OR1F1: variants seen among roughly 807,000 people sequenced by gnomAD.
OR1F1 encodes olfactory receptor 1F1.
For missense variants in OR1F1, 493 were observed against 376.3 expected, an observed-to-expected ratio of 1.31 and a Z score of -2.57; for synonymous variants, 184 against 156.7, an observed-to-expected ratio of 1.17 and a Z score of -1.30.
At chr16:3,198,227 A>G in the OR1F1 span, among the ~76,000 whole-genome samples, 2 of 152,080 alleles carry the variant, frequency 1.3e-5, no homozygotes, top group African/African-American at 4.8e-5. Flanking sequence ...CAGGTCCCCA[A>G]GTATGCAGGG....
the OR1F1 span, among the ~76,000 whole-genome samples, chr16:3,198,391 T>C: frequency 6.6e-6 from 1 of 152,110 alleles, no homozygotes; most frequent in African/African-American, 2.4e-5. Flanking sequence ...TAGGCTGACA[T>C]GTTTCCCCTG....
chr16:3,196,520 A>C, the OR1F1 span, among the ~76,000 whole-genome samples: 2 of 151,668 alleles, frequency 1.3e-5, no homozygotes, highest in African/African-American at 4.9e-5. Flanking sequence ...AGTAGCTGGC[A>C]CCACAGGCAC....
At chr16:3,205,137 G>C (rs775250907) in exon 1 of OR1F1, 2 of 1,613,148 alleles carry the variant, frequency 1.2e-6, no homozygotes, top group South Asian at 2.2e-5. Context: ...ACAGGTACTT[G>C]AAAGGGGCTC....
At chr16:3,204,490 C>T (rs767992959) in exon 1 of OR1F1, 48 of 1,614,084 alleles carry the variant, frequency 3.0e-5, no homozygotes, top group Non-Finnish European at 4.0e-5. Context: ...CCCCAAGATG[C>T]TGGCCAATCA....
chr16:3,204,371 A>T (rs773673344), exon 1 of OR1F1: 2 of 1,613,716 alleles, frequency 1.2e-6, no homozygotes, highest in African/African-American at 2.7e-5. Flanking sequence ...GTCCTGGGGA[A>T]CCTGCTCATC....
upstream of OR1F1, among the ~76,000 whole-genome samples, chr16:3,201,616 T>C (rs1253334333): frequency 1.3e-5 from 2 of 152,190 alleles, no homozygotes; most frequent in African/African-American, 4.8e-5. Flanking sequence ...TGATCCAGAA[T>C]GATGAGAGTA....
upstream of OR1F1, among the ~76,000 whole-genome samples, chr16:3,200,658 G>C (rs958777546): frequency 1.3e-5 from 2 of 152,178 alleles, no homozygotes; most frequent in African/African-American, 4.8e-5. Flanking sequence ...AGGTCAATTT[G>C]AAGGCAGGTA....
the OR1F1 span, among the ~76,000 whole-genome samples, chr16:3,193,127 A>G: frequency 1.3e-5 from 2 of 152,066 alleles, no homozygotes; most frequent in Non-Finnish European, 2.9e-5. Context: ...GGGTTTCGCC[A>G]TGTTGGCCAG....
the OR1F1 span, chr16:3,189,628 T>A: frequency 6.6e-6 from 1 of 152,082 alleles, no homozygotes. Context: ...AATGCGTAAA[T>A]CGTGTGGCTC....
the OR1F1 span, among the ~76,000 whole-genome samples, chr16:3,190,902 A>G: frequency 1.3e-5 from 2 of 152,218 alleles, no homozygotes; most frequent in African/African-American, 4.8e-5. Flanking sequence ...TAAAGAAAAT[A>G]TCTTTGACAA....
chr16:3,204,385 C>T (rs763843633), exon 1 of OR1F1: 4 of 1,613,946 alleles, frequency 2.5e-6, no homozygotes, highest in African/African-American at 1.3e-5. Flanking sequence ...GCTCATCATC[C>T]TGTCCGTAAG....
At chr16:3,195,686 A>G in the OR1F1 span, among the ~76,000 whole-genome samples, 1 of 151,804 alleles carries the variant, frequency 6.6e-6, no homozygotes, top group Non-Finnish European at 1.5e-5. Context: ...CAAAAAAAAA[A>G]AAAAAAAAGA....
chr16:3,201,040 C>T (rs1958129872), upstream of OR1F1, among the ~76,000 whole-genome samples: 1 of 152,118 alleles, frequency 6.6e-6, no homozygotes, highest in Admixed American at 6.5e-5. Context: ...GATTTGCCTA[C>T]TCTAGACATT....
the OR1F1 span, among the ~76,000 whole-genome samples, chr16:3,193,392 C>G: frequency 6.6e-6 from 1 of 152,200 alleles, no homozygotes; most frequent in African/African-American, 2.4e-5. Context: ...TTCCTTCGGG[C>G]GCCTGGGACT....
At chr16:3,203,722 C>A (rs1307486721), upstream of OR1F1, among the ~76,000 whole-genome samples, 1 of 152,184 alleles carries the variant, frequency 6.6e-6, no homozygotes, top group East Asian at 1.9e-4. Flanking sequence ...CAAGATCTCG[C>A]CACTGCACTC....
At chr16:3,190,462 A>G in the OR1F1 span, among the ~76,000 whole-genome samples, 111 of 152,310 alleles carry the variant, frequency 7.3e-4, 1 homozygote, top group African/African-American at 2.6e-3. Context: ...TGGACCCAGC[A>G]CAAGGAGGCA....
the OR1F1 span, among the ~76,000 whole-genome samples, chr16:3,191,993 C>G: frequency 1.3e-5 from 2 of 152,134 alleles, no homozygotes; most frequent in Non-Finnish European, 2.9e-5. Context: ...TGCTGTGGCT[C>G]GTTGGTCTAG....
the OR1F1 span, chr16:3,189,645 C>T: frequency 2.6e-5 from 4 of 151,952 alleles, no homozygotes; most frequent in South Asian, 2.1e-4. Flanking sequence ...GCTCGTTGGT[C>T]TAGGGGTATG....
upstream of OR1F1, among the ~76,000 whole-genome samples, chr16:3,201,555 C>T (rs146823302): frequency 1.3e-5 from 2 of 152,288 alleles, no homozygotes; most frequent in African/African-American, 4.8e-5. Flanking sequence ...TCCATTTAGT[C>T]CTGGTGACAA....
Sources: allele counts gnomAD v4.1 joint callset (sites outside exome capture counted in the v4.1 genomes callset), GRCh38; gene constraint gnomAD v4.1.1; transcripts MANE v1.5; gene names NCBI Gene and HGNC (gene_info 2026-07-23, HGNC 2026-07-21).